LNPK: variants seen among roughly 807,000 people sequenced by gnomAD.
LNPK encodes endoplasmic reticulum junction formation protein lunapark.
Under a neutral mutation model 55.2 loss-of-function variants are expected in LNPK, and 29 were observed. That is an observed-to-expected ratio of 0.53 (90% CI 0.39 to 0.72). The LOEUF is 0.72. Among genes scored for constraint, LNPK ranks in the 30% least tolerant of loss-of-function variants. LNPK has a pLI of 0.00. For synonymous variants in LNPK, 162 were observed against 168.2 expected (o/e 0.96, Z 0.29); for missense variants, 467 against 494.8 (o/e 0.94, Z 0.53).
In LNPK at chr2:175,939,126, TAG is replaced by T. The variant is rs1206913502; in HGVS notation, c.812+424_812+425del. ...CTCTGTACATATCATACGATCTTCC[TAG>T]AGTTATTTTAAGAATAATTGGAAAA... On this transcript the variant is annotated intron_variant, in intron 10 of 12. Transcript: ENST00000272748. Among the ~76,000 whole-genome samples, 5 of 152,250 alleles carry T rather than the reference TAG, an allele frequency of 3.3e-5. No homozygotes were observed. In the East Asian group the frequency reaches 9.6e-4, roughly 29 times the overall value.
intron 1 of LNPK, among the ~76,000 whole-genome samples, chr2:175,996,444 C>T (rs1048729845): frequency 2.6e-5 from 4 of 152,168 alleles, no homozygotes; most frequent in Non-Finnish European, 4.4e-5. Flanking sequence ...ATAAGGATTA[C>T]AAGGTTATCT....
chr2:175,953,559 C>T (rs1222690522), intron 8 of LNPK, among the ~76,000 whole-genome samples: 1 of 151,968 alleles, frequency 6.6e-6, no homozygotes, highest in Non-Finnish European at 1.5e-5. Flanking sequence ...GATTCTTCCT[C>T]CCACCCCCAA....
intron 4 of LNPK, among the ~76,000 whole-genome samples, chr2:175,986,053 CAG>C (rs1687394797): frequency 6.6e-6 from 1 of 152,022 alleles, no homozygotes; most frequent in Admixed American, 6.5e-5. Flanking sequence ...GAAGATATAA[CAG>C]AAATACCCAT....
intron 6 of LNPK, among the ~76,000 whole-genome samples, chr2:175,967,133 A>G (rs1686399514): frequency 6.6e-6 from 1 of 152,208 alleles, no homozygotes; most frequent in Non-Finnish European, 1.5e-5. Flanking sequence ...ACAAATTCGT[A>G]AACTTTAAAA....
At chr2:175,964,827 G>A (rs1265907349) in intron 6 of LNPK, among the ~76,000 whole-genome samples, 1 of 152,098 alleles carries the variant, frequency 6.6e-6, no homozygotes, top group Non-Finnish European at 1.5e-5. Flanking sequence ...TACATATAAT[G>A]AGGAGAATAA....
intron 12 of LNPK, among the ~76,000 whole-genome samples, chr2:175,930,893 TAGC>T (rs1401224512): frequency 7.9e-5 from 12 of 152,174 alleles, no homozygotes; most frequent in African/African-American, 2.9e-4. Flanking sequence ...CCCATCTCCA[TAGC>T]AGAAGTTAAG....
intron 12 of LNPK, among the ~76,000 whole-genome samples, chr2:175,935,500 G>A (rs897505582): frequency 6.6e-6 from 1 of 152,206 alleles, no homozygotes; most frequent in Non-Finnish European, 1.5e-5. Flanking sequence ...GTGTGTCACA[G>A]TGTTGAGTTA....
intron 4 of LNPK, among the ~76,000 whole-genome samples, chr2:175,983,922 T>A (rs1687290582): frequency 2.0e-5 from 3 of 148,552 alleles, no homozygotes; most frequent in Admixed American, 6.7e-5. Context: ...AAATGGATTA[T>A]GAAATTAAAT....
chr2:175,959,358 C>G (rs947334022), intron 8 of LNPK, among the ~76,000 whole-genome samples: 1 of 152,196 alleles, frequency 6.6e-6, no homozygotes, highest in South Asian at 2.1e-4. Flanking sequence ...AACAGACTAA[C>G]AGCAGATCTC....
chr2:175,974,751 T>C (rs1034767754), intron 5 of LNPK, among the ~76,000 whole-genome samples: 2 of 152,068 alleles, frequency 1.3e-5, no homozygotes. Flanking sequence ...ACAGGACCAA[T>C]AGCTTCAGGC....
intron 1 of LNPK, among the ~76,000 whole-genome samples, chr2:175,999,328 T>G (rs1057087920): frequency 6.6e-6 from 1 of 152,220 alleles, no homozygotes; most frequent in Non-Finnish European, 1.5e-5. Flanking sequence ...CATCACTTAC[T>G]GTAAAATCTT....
chr2:175,990,433 A>ATACTTCTTG (rs1687651252), intron 4 of LNPK, among the ~76,000 whole-genome samples: 1 of 152,186 alleles, frequency 6.6e-6, no homozygotes, highest in Admixed American at 6.5e-5. Context: ...TGCTGGTGCC[A>ATACTTCTTG]TACTTCTTGT....
At chr2:175,933,637 A>T (rs1425489936) in intron 12 of LNPK, among the ~76,000 whole-genome samples, 1 of 152,088 alleles carries the variant, frequency 6.6e-6, no homozygotes. Context: ...ATTCAATTAA[A>T]TTATAACCAC....
intron 4 of LNPK, among the ~76,000 whole-genome samples, chr2:175,987,890 T>C (rs910063148): frequency 1.3e-5 from 2 of 152,280 alleles, no homozygotes; most frequent in South Asian, 2.1e-4. Context: ...TTCAATATAA[T>C]AGAATCACAC....
At chr2:175,998,521 T>A (rs970067608) in intron 1 of LNPK, among the ~76,000 whole-genome samples, 2 of 152,120 alleles carry the variant, frequency 1.3e-5, no homozygotes, top group Admixed American at 6.5e-5. Flanking sequence ...TAGTTTTGAT[T>A]TTTTAAGCAC....
chr2:175,962,620 A>T (rs1191306255), intron 8 of LNPK, among the ~76,000 whole-genome samples: 3 of 152,226 alleles, frequency 2.0e-5, no homozygotes, highest in Non-Finnish European at 2.9e-5. Flanking sequence ...AACCTAGGCA[A>T]TACCATTCAG....
chr2:175,932,129 C>T, intron 12 of LNPK: 1 of 454,212 alleles, frequency 2.2e-6, no homozygotes, highest in Non-Finnish European at 4.4e-6. Flanking sequence ...CATAGTTTGT[C>T]ATATTCTGTC....
chr2:175,947,431 AC>A, intron 9 of LNPK, 48 bp downstream of exon 9: 1 of 1,506,366 alleles, frequency 6.6e-7, no homozygotes, highest in South Asian at 1.2e-5. Flanking sequence ...TTTATTGGTA[AC>A]CAGAGAAAAC....
At chr2:175,954,464 G>C (rs1416428727) in intron 8 of LNPK, among the ~76,000 whole-genome samples, 3 of 152,158 alleles carry the variant, frequency 2.0e-5, no homozygotes, top group Non-Finnish European at 4.4e-5. Context: ...TAGAATCTCA[G>C]CTTAACTTCA....
Sources: allele counts gnomAD v4.1 joint callset (sites outside exome capture counted in the v4.1 genomes callset), GRCh38; gene constraint gnomAD v4.1.1; transcripts MANE v1.5; gene names NCBI Gene and HGNC (gene_info 2026-07-23, HGNC 2026-07-21).